ANKS1B: variants seen among roughly 807,000 people sequenced by gnomAD.
ANKS1B encodes the protein ankyrin repeat and sterile alpha motif domain-containing protein 1B.
A neutral mutation model predicts 148.3 loss-of-function variants in ANKS1B; 36 were observed. That is an observed-to-expected ratio of 0.24 (90% CI 0.19 to 0.32). The LOEUF (loss-of-function observed/expected upper bound fraction) is 0.32. ANKS1B is among the 10% of genes least tolerant of loss of function. The probability of loss-of-function intolerance (pLI) is 1.00; values close to 1 mark genes in which losing one functional copy is unlikely to be tolerated. For synonymous variants in ANKS1B, 542 were observed against 560.8 expected (o/e 0.97, Z 0.47); for missense variants, 1,157 against 1,542.6 (o/e 0.75, Z 4.19).
chr12:99,900,114 G>A lies in ANKS1B; in HGVS notation c.135-74725C>T, dbSNP rs149288648. 1.6e-3 allele frequency among the ~76,000 whole-genome samples: 249 copies of A among 151,990 alleles called. 9 individuals are homozygous for A. The East Asian group carries it at 0.041, about 25-fold the overall frequency. On this transcript the variant is annotated intron_variant, in intron 1 of 26. Coordinates refer to ENST00000683438, the MANE Select transcript of ANKS1B (RefSeq NM_001352186.2). ...GGGTTGCACCATGTTGACCAGGCTG[G>A]TCTCAAACTCCTGACCTCAGGTGAT...
chr12:98,972,691 TA>T (rs2099884385), intron 17 of ANKS1B, among the ~76,000 whole-genome samples: 1 of 152,328 alleles, frequency 6.6e-6, no homozygotes, highest in African/African-American at 2.4e-5. Flanking sequence ...AATCAAGTAC[TA>T]AAGACAATAT....
intron 8 of ANKS1B, among the ~76,000 whole-genome samples, chr12:99,717,969 T>C (rs1359006730): frequency 6.8e-6 from 1 of 146,160 alleles, no homozygotes; most frequent in East Asian, 2.1e-4. Flanking sequence ...AGTGGCGCGA[T>C]CTCGGCTCAC....
chr12:99,719,861 G>C (rs1388273565), intron 8 of ANKS1B, among the ~76,000 whole-genome samples: 1 of 152,164 alleles, frequency 6.6e-6, no homozygotes, highest in Non-Finnish European at 1.5e-5. Context: ...TGATAAGATA[G>C]CTAAAAAAGC....
intron 9 of ANKS1B, chr12:99,649,404 A>G: frequency 3.8e-6 from 6 of 1,599,950 alleles, no homozygotes; most frequent in Non-Finnish European, 5.1e-6. Context: ...TATGAATCCA[A>G]CATACCTCCC....
chr12:99,543,419 T>C (rs2097145075), intron 9 of ANKS1B, among the ~76,000 whole-genome samples: 1 of 152,154 alleles, frequency 6.6e-6, no homozygotes. Context: ...CGGCAGTTCC[T>C]TAAACTGTTA....
chr12:99,047,777 T>A (rs969821255), intron 17 of ANKS1B, among the ~76,000 whole-genome samples: 1 of 152,156 alleles, frequency 6.6e-6, no homozygotes, highest in South Asian at 2.1e-4. Flanking sequence ...ACAAAAGCTG[T>A]GAAAATTTAT....
At chr12:99,376,081 C>A (rs1346207399) in intron 12 of ANKS1B, among the ~76,000 whole-genome samples, 2 of 152,094 alleles carry the variant, frequency 1.3e-5, no homozygotes, top group Non-Finnish European at 2.9e-5. Context: ...ATTATCAAAC[C>A]ATTCGCTGTT....
At chr12:99,651,047 A>G (rs2098415891) in intron 9 of ANKS1B, among the ~76,000 whole-genome samples, 1 of 152,304 alleles carries the variant, frequency 6.6e-6, no homozygotes, top group East Asian at 1.9e-4. Flanking sequence ...ATAAATGTGA[A>G]ATATAATTTA....
intron 17 of ANKS1B, among the ~76,000 whole-genome samples, chr12:98,857,826 T>C (rs7303031): frequency 0.093 from 14,141 of 152,214 alleles, 1,216 homozygotes; most frequent in African/African-American, 0.22. Flanking sequence ...ATACATCTTT[T>C]CAAAGCACAG....
intron 17 of ANKS1B, chr12:98,894,529 C>A (rs1323097523): frequency 1.0e-6 from 1 of 973,976 alleles, no homozygotes; most frequent in Non-Finnish European, 1.2e-6. Context: ...TTGCCCGACT[C>A]GGCTTCCTCC....
intron 8 of ANKS1B, among the ~76,000 whole-genome samples, chr12:99,687,380 C>T (rs568264087): frequency 1.1e-4 from 16 of 152,224 alleles, no homozygotes. Context: ...TTAGAGTTTC[C>T]ATCAAATGTT....
chr12:98,837,352 A>G (rs1180464542), intron 17 of ANKS1B, among the ~76,000 whole-genome samples: 2 of 151,532 alleles, frequency 1.3e-5, no homozygotes, highest in African/African-American at 4.8e-5. Flanking sequence ...AAAAAAAAAA[A>G]GAAAAAGAAA....
chr12:98,938,985 T>G (rs2099829029), intron 17 of ANKS1B, among the ~76,000 whole-genome samples: 1 of 152,216 alleles, frequency 6.6e-6, no homozygotes, highest in Non-Finnish European at 1.5e-5. Context: ...AGGCAAAAGT[T>G]TATTAAGTCA....
At chr12:99,350,353 C>T (rs1242478207) in intron 12 of ANKS1B, among the ~76,000 whole-genome samples, 9 of 151,552 alleles carry the variant, frequency 5.9e-5, no homozygotes, top group African/African-American at 2.2e-4. Context: ...TTTTTATAGC[C>T]GTGCAAGAGT....
intron 16 of ANKS1B, among the ~76,000 whole-genome samples, chr12:99,062,113 C>T (rs1326789880): frequency 6.6e-6 from 1 of 152,164 alleles, no homozygotes; most frequent in African/African-American, 2.4e-5. Context: ...GACACGCGGC[C>T]TTGGGCATCA....
intron 8 of ANKS1B, among the ~76,000 whole-genome samples, chr12:99,672,688 C>A (rs1362540800): frequency 6.6e-6 from 1 of 152,120 alleles, no homozygotes; most frequent in Non-Finnish European, 1.5e-5. Flanking sequence ...AGGTGTGAAT[C>A]CCAACCTTAG....
At chr12:99,955,149 C>T (rs1216608070) in intron 1 of ANKS1B, among the ~76,000 whole-genome samples, 2 of 152,116 alleles carry the variant, frequency 1.3e-5, no homozygotes, top group East Asian at 3.9e-4. Flanking sequence ...GGTCTTTAAT[C>T]CTTGTTTTCT....
At chr12:99,321,700 C>T (rs572008208) in intron 12 of ANKS1B, among the ~76,000 whole-genome samples, 78 of 152,134 alleles carry the variant, frequency 5.1e-4, no homozygotes, top group Non-Finnish European at 9.0e-4. Context: ...ACCCACTGTC[C>T]GACAAACCCC....
intron 9 of ANKS1B, among the ~76,000 whole-genome samples, chr12:99,585,510 G>A (rs1383941846): frequency 6.6e-6 from 1 of 152,118 alleles, no homozygotes; most frequent in Non-Finnish European, 1.5e-5. Flanking sequence ...GAGAACGGTG[G>A]CCCTCTTCTT....
Sources: allele counts gnomAD v4.1 joint callset (sites outside exome capture counted in the v4.1 genomes callset), GRCh38; gene constraint gnomAD v4.1.1; transcripts MANE v1.5; gene names NCBI Gene and HGNC (gene_info 2026-07-23, HGNC 2026-07-21).